Variants in TOMM20 observed in about 807,000 individuals in gnomAD.
The protein encoded by TOMM20 is translocase of outer mitochondrial membrane 20.
Under a neutral mutation model 22.1 loss-of-function variants are expected in TOMM20, and 10 were observed. That is an observed-to-expected ratio of 0.45 (90% CI 0.28 to 0.77). The LOEUF is 0.77. TOMM20 is among the 30% of genes least tolerant of loss of function. The pLI, the probability that TOMM20 is intolerant of heterozygous loss-of-function variation, is 0.13. For synonymous variants in TOMM20, 55 were observed against 61.4 expected (o/e 0.90, Z 0.49); for missense variants, 121 against 172.2 (o/e 0.70, Z 1.66).
chr1:235,112,470 T>C (rs907991787), intron 4 of TOMM20, among the ~76,000 whole-genome samples: 39 of 152,202 alleles, frequency 2.6e-4, no homozygotes, highest in African/African-American at 7.7e-4. Context: ...GCCTCCTGAG[T>C]AGCTGGAACC....
chr1:235,123,685 T>C (rs1660967293), intron 1 of TOMM20, among the ~76,000 whole-genome samples: 1 of 152,240 alleles, frequency 6.6e-6, no homozygotes, highest in Admixed American at 6.5e-5. Flanking sequence ...AAAGTTGATC[T>C]TATGTATTAA....
chr1:235,122,864 G>A (rs1279375248), intron 1 of TOMM20, among the ~76,000 whole-genome samples: 1 of 152,152 alleles, frequency 6.6e-6, no homozygotes, highest in African/African-American at 2.4e-5. Flanking sequence ...CCACTTAAAG[G>A]TACTTGAGCA....
At chr1:235,125,786 T>C (rs981069405) in intron 1 of TOMM20, among the ~76,000 whole-genome samples, 2 of 151,402 alleles carry the variant, frequency 1.3e-5, no homozygotes, top group Non-Finnish European at 2.9e-5. Flanking sequence ...GTCCCCGCTC[T>C]GTCCCCAGGC....
Position 235,110,094 on chromosome 1 carries a change from G to C in TOMM20, c.*1970C>G, listed in dbSNP as rs998797733. On this transcript the variant is annotated 3_prime_UTR_variant, in exon 5 of 5. Coordinates refer to ENST00000366607, the MANE Select transcript of TOMM20 (RefSeq NM_014765.3). ...GTCATTTAAATAAGAAAACGTACTT[G>C]GGTTAATGAACTGTAAAATGAAGAT... 1 of 152,122 alleles carries C rather than the reference G, an allele frequency of 6.6e-6. No homozygotes were observed. The highest frequency in any genetic ancestry group is 2.4e-5 in the African/African-American group (1 of 41,416). The allele number at this position is 152,122 out of a possible 1,614,324, so 9.4% of individuals were successfully genotyped here.
Position 235,128,744 on chromosome 1 carries a change from G to A in TOMM20, c.-29C>T. ...CTCTACAACGCTGAGCGTGGACGGT[G>A]GCGGCAGGGACCGCGAAGGAGCGGT... On this transcript the variant is annotated 5_prime_UTR_variant, in exon 1 of 5. Transcript: ENST00000366607. 1 of 1,613,136 alleles carries A rather than the reference G, an allele frequency of 6.2e-7. No individual in the cohort carries two copies. Among genetic ancestry groups the A allele is most frequent in the African/African-American group, 1.3e-5 (1 of 75,060 alleles).
intron 4 of TOMM20, among the ~76,000 whole-genome samples, chr1:235,113,396 GC>G (rs1660773949): frequency 1.3e-5 from 2 of 152,278 alleles, no homozygotes; most frequent in African/African-American, 4.8e-5. Flanking sequence ...GAATGTGTAG[GC>G]TATAGCTATC....
chr1:235,109,892 T>C lies in TOMM20; in HGVS notation c.*2172A>G, dbSNP rs1365465927. 1 of 152,220 alleles carries C rather than the reference T, an allele frequency of 6.6e-6. No individual in the cohort carries two copies. Among genetic ancestry groups the C allele is most frequent in the East Asian group, 1.9e-4 (1 of 5,204 alleles). The allele number at this position is 152,220 out of a possible 1,614,324, so 9.4% of individuals were successfully genotyped here. On this transcript the variant is annotated 3_prime_UTR_variant, in exon 5 of 5. Transcript: ENST00000366607. Reference sequence around the variant, plus strand: ...CTGGGGTTTTTTTGTTCTCACCTGCTGAGCACCATTTGGCCAGCATCACTA... The same window carrying C: ...CTGGGGTTTTTTTGTTCTCACCTGCCGAGCACCATTTGGCCAGCATCACTA...
Position 235,113,929 on chromosome 1 carries a change from A to C in TOMM20, c.251-19T>G. ...TATTCACCTGTAAGATTTACATAAAATTACATGTAACCTGAAAAGCCTTGG... is the reference window on the plus strand; with the variant it reads ...TATTCACCTGTAAGATTTACATAAACTTACATGTAACCTGAAAAGCCTTGG... On this transcript the variant is annotated intron_variant, in intron 3 of 4. Coordinates refer to ENST00000366607, the MANE Select transcript of TOMM20 (RefSeq NM_014765.3). 6.4e-7 allele frequency: 1 copy of C among 1,551,792 alleles called. No individual in the cohort carries two copies. Among genetic ancestry groups the C allele is most frequent in the Non-Finnish European group, 8.7e-7 (1 of 1,146,420 alleles).
rs1661027762 is a variant in TOMM20, at chr1:235,126,650, A to C, written c.121+1945T>G. On this transcript the variant is annotated intron_variant, in intron 1 of 4. Coordinates refer to ENST00000366607, the MANE Select transcript of TOMM20 (RefSeq NM_014765.3). ...AAACCCTGTCTCTACTAAAAATACA[A>C]AAATTAGCCTGGCATGGTGGTGTGC... Among the ~76,000 whole-genome samples, 3 of 151,990 alleles carry C rather than the reference A, an allele frequency of 2.0e-5. No individual in the cohort carries two copies. In the South Asian group the frequency reaches 6.3e-4, roughly 32 times the overall value.
rs1228088764 is a variant in TOMM20, at chr1:235,128,618, T to G, written c.98A>C (p.Asn33Thr). 3.7e-6 allele frequency: 6 copies of G among 1,613,010 alleles called. No homozygotes were observed. The highest frequency in any genetic ancestry group is 5.1e-6 in the Non-Finnish European group (6 of 1,179,932). ...ACGTTCTCGAAGCCTGTTCTTGAAGTTGGGGTCACTTCGTCTTTTGCGGTC... is the reference window on the plus strand; with the variant it reads ...ACGTTCTCGAAGCCTGTTCTTGAAGGTGGGGTCACTTCGTCTTTTGCGGTC... ...YFDRKRRSDPNFKNRLRERRK... is the reference protein window; with the variant it reads ...YFDRKRRSDPTFKNRLRERRK... The change falls in exon 1 of 5, where the codon AAC becomes ACC. Residue 33 changes from asparagine to threonine, a missense_variant. Transcript: ENST00000366607.
chr1:235,113,866 C>T lies in TOMM20; in HGVS notation c.295G>A (p.Val99Met). The change falls in exon 4 of 5, where the codon GTG becomes ATG. Residue 99 changes from valine to methionine, a missense_variant. Coordinates refer to ENST00000366607, the MANE Select transcript of TOMM20 (RefSeq NM_014765.3). ...AGTAACTGCTGTGGCTGTCCACACA[C>T]AGCAATTGCATTTGTCAGATGGTCT... The part of the protein sequence containing the change: ...GVDHLTNAIA[V>M]CGQPQQLLQV... 6.2e-7 allele frequency: 1 copy of T among 1,613,206 alleles called. No homozygotes were observed. The highest frequency in any genetic ancestry group is 8.5e-7 in the Non-Finnish European group (1 of 1,179,572).
Position 235,109,533 on chromosome 1 carries a change from G to C in TOMM20, c.*2531C>G, listed in dbSNP as rs566340429. The C allele has an allele frequency of 4.6e-5, 7 of 152,322 alleles. No homozygotes were observed. In the East Asian group the frequency reaches 1.3e-3, roughly 29 times the overall value. 9.4% of individuals were successfully genotyped at this position (152,322 alleles called of 1,614,324 possible). A position where few individuals can be genotyped will look rare whatever the true frequency, so the allele number is the denominator to read the frequency against. ...TTAATAAAGTCAGAATGGCAGGTGG[G>C]AGGATGGTAAAATAAACTTACCAAG... On this transcript the variant is annotated 3_prime_UTR_variant, in exon 5 of 5. Coordinates refer to ENST00000366607, the MANE Select transcript of TOMM20 (RefSeq NM_014765.3).
chr1:235,126,447 C>G (rs781539757), intron 1 of TOMM20, among the ~76,000 whole-genome samples: 1 of 151,896 alleles, frequency 6.6e-6, no homozygotes, highest in Admixed American at 6.6e-5. Context: ...TACCTGTGAA[C>G]AGACTGCAAG....
intron 3 of TOMM20, among the ~76,000 whole-genome samples, chr1:235,116,621 C>G (rs1330009201): frequency 6.6e-6 from 1 of 151,380 alleles, no homozygotes; most frequent in African/African-American, 2.4e-5. Context: ...ATTGCTTGAA[C>G]CCTCGCTTGA....
chr1:235,114,598 C>T lies in TOMM20; in HGVS notation c.251-688G>A, dbSNP rs575437678. Among the ~76,000 whole-genome samples, 5 of 152,058 alleles carry T rather than the reference C, an allele frequency of 3.3e-5. No individual in the cohort carries two copies. The South Asian group carries it at 6.2e-4, about 19-fold the overall frequency. On this transcript the variant is annotated intron_variant, in intron 3 of 4. Coordinates refer to ENST00000366607, the MANE Select transcript of TOMM20 (RefSeq NM_014765.3). ...GACTACAGGCGCCCACCACCACGCC[C>T]GGCTAATTTTTTGTATTTTTAGTAG...
intron 2 of TOMM20, among the ~76,000 whole-genome samples, chr1:235,121,089 C>T (rs183465187): frequency 1.3e-5 from 2 of 151,926 alleles, no homozygotes; most frequent in East Asian, 3.9e-4. Context: ...GTCCCAGCTG[C>T]TCGGGAGGCT....
At position 235,110,872 on chromosome 1, in the gene TOMM20, CTG is replaced by C. The variant is rs1035151738; in HGVS notation, c.*1190_*1191del. On this transcript the variant is annotated 3_prime_UTR_variant, in exon 5 of 5. Coordinates refer to ENST00000366607, the MANE Select transcript of TOMM20 (RefSeq NM_014765.3). The stretch of plus-strand genomic sequence containing the variant: ...CAAGGATCCTTACTCAGTTCTGAAA[CTG>C]TGACTACGGAGAATATGTCACTATT... 6.6e-6 allele frequency: 1 copy of C among 152,220 alleles called. No homozygotes were observed. The highest frequency in any genetic ancestry group is 1.5e-5 in the Non-Finnish European group (1 of 68,034). 9.4% of individuals were successfully genotyped at this position (152,220 alleles called of 1,614,324 possible). A position where few individuals can be genotyped will look rare whatever the true frequency, so the allele number is the denominator to read the frequency against.
In TOMM20 at chr1:235,128,788, G is replaced by T. The variant is rs1282876319; in HGVS notation, c.-73C>A. ...GAGCGGTGGGCCACGAACCCTCAGAGCGGTCGGCGCAGCTCACACCCGACG... is the reference window on the plus strand; with the variant it reads ...GAGCGGTGGGCCACGAACCCTCAGATCGGTCGGCGCAGCTCACACCCGACG... On this transcript the variant is annotated 5_prime_UTR_variant, in exon 1 of 5. Coordinates refer to ENST00000366607, the MANE Select transcript of TOMM20 (RefSeq NM_014765.3). The T allele has an allele frequency of 1.2e-6, 2 of 1,601,822 alleles. No homozygotes were observed. Among genetic ancestry groups the T allele is most frequent in the Non-Finnish European group, 1.7e-6 (2 of 1,175,258 alleles).
In TOMM20 at chr1:235,119,753, T is replaced by C; in HGVS notation, c.250+65A>G. On this transcript the variant is annotated intron_variant, in intron 3 of 4. Coordinates refer to ENST00000366607, the MANE Select transcript of TOMM20 (RefSeq NM_014765.3). ...CAAATTACACAAACAAAGCCCCTTA[T>C]CATTATAAATTTCTATCAGTGAGAA... is the stretch of plus-strand genomic sequence containing the variant. 4 of 1,111,072 alleles carry C rather than the reference T, an allele frequency of 3.6e-6. No homozygotes were observed. In the South Asian group the frequency reaches 6.0e-5, roughly 17 times the overall value. The allele number at this position is 1,111,072 out of a possible 1,614,324, so 68.8% of individuals were successfully genotyped here.
Sources: gnomAD v4.1 joint callset for allele counts (sites outside exome capture counted in the v4.1 genomes callset) on GRCh38, gnomAD v4.1.1 for gene constraint, MANE v1.5 for transcripts, NCBI Gene and HGNC (gene_info 2026-07-23, HGNC 2026-07-21) for gene names.